TPCN2: variants seen among roughly 807,000 people sequenced by gnomAD.
The protein encoded by TPCN2 is two pore segment channel 2.
Under a neutral mutation model 111.4 loss-of-function variants are expected in TPCN2, and 92 were observed. That is an observed-to-expected ratio of 0.83 (90% confidence interval 0.70 to 0.98). The LOEUF is 0.98. Among genes scored for constraint, TPCN2 ranks in the 50% least tolerant of loss-of-function variants. The pLI is 0.00. For synonymous variants in TPCN2, 405 were observed against 414.5 expected (o/e 0.98, Z 0.28); for missense variants, 995 against 980.1 (o/e 1.02, Z -0.20).
intron 9 of TPCN2, 80 bp downstream of exon 9, chr11:69,070,575 A>T: frequency 9.4e-7 from 1 of 1,069,302 alleles, no homozygotes; most frequent in Non-Finnish European, 1.4e-6. Flanking sequence ...TGCCTCCACG[A>T]CCTGAAACTT....
chr11:69,071,286 C>T, intron 9 of TPCN2, 70 bp from the exon 10 acceptor site: 1 of 1,281,678 alleles, frequency 7.8e-7, no homozygotes, highest in East Asian at 2.3e-5. Flanking sequence ...CTATCCTGTG[C>T]CGGCCACCCT....
chr11:69,064,115 T>G, intron 7 of TPCN2, 148 bp downstream of exon 7: 1 of 760,426 alleles, frequency 1.3e-6, no homozygotes, highest in Non-Finnish European at 2.2e-6. Flanking sequence ...TCCAGGAGTC[T>G]GCCTTTGGGT....
At chr11:69,070,574 G>C in intron 9 of TPCN2, 79 bp downstream of exon 9, 1 of 1,072,736 alleles carries the variant, frequency 9.3e-7, no homozygotes, top group South Asian at 1.5e-5. Flanking sequence ...CTGCCTCCAC[G>C]ACCTGAAACT....
In TPCN2 at chr11:69,054,740, G is replaced by T. The variant is rs770457555; in HGVS notation, c.194G>T (p.Arg65Leu). The T allele has an allele frequency of 8.1e-6, 13 of 1,614,008 alleles. No individual in the cohort carries two copies. The highest frequency in any genetic ancestry group is 1.1e-5 in the Non-Finnish European group (13 of 1,180,002). Residue 65 changes from arginine to leucine, a missense_variant, in exon 3 of 25, where the codon CGG becomes CTG. Physicochemically the swap from Arg to Leu is moderately radical, Grantham distance 102. Transcript: ENST00000294309. ...TTGTAGTACCGCTCCATCAACCACC[G>T]GGTGGATGCCAGCTCGATGTGGCTT... ...DAIQYRSINHRVDASSMWLYR... is the reference protein window; with the variant it reads ...DAIQYRSINHLVDASSMWLYR...
In TPCN2 at chr11:69,071,405, C is replaced by T. The variant is rs1179839511; in HGVS notation, c.945C>T (p.Phe315=). 1.2e-6 allele frequency: 2 copies of T among 1,613,534 alleles called. No individual in the cohort carries two copies. The highest frequency in any genetic ancestry group is 2.2e-5 in the South Asian group (2 of 90,862). The change falls in exon 10 of 25, where the codon TTC becomes TTT. Residue 315 remains phenylalanine (F), a synonymous_variant. Coordinates refer to ENST00000294309, the MANE Select transcript of TPCN2 (RefSeq NM_139075.4). ...NLLTAIIYSQ[F]RGYLMKSLQT... ...TGACAGCCATCATCTACAGTCAGTT[C>T]CGGGGCTACCTGATGGTGAGCGAGC...
rs112913924 is a variant in TPCN2, at chr11:69,072,148, G to A, written c.1061+125G>A. 18 of 761,596 alleles carry A rather than the reference G, an allele frequency of 2.4e-5. 1 individual carries two copies. Among genetic ancestry groups the A allele is most frequent in the Admixed American group, 1.1e-4 (4 of 36,354 alleles). 47.2% of individuals were successfully genotyped at this position (761,596 alleles called of 1,614,324 possible). On this transcript the variant is annotated intron_variant, in intron 11 of 24. Coordinates refer to ENST00000294309, the MANE Select transcript of TPCN2 (RefSeq NM_139075.4). ...GCCTCGCCCCTGCTGGCTGGCACCCGACTCATGGAAACCACCATGTCCCTG... is the reference window on the plus strand; with the variant it reads ...GCCTCGCCCCTGCTGGCTGGCACCCAACTCATGGAAACCACCATGTCCCTG...
At chr11:69,085,070 C>G in intron 19 of TPCN2, 140 bp from the exon 20 acceptor site, 1 of 865,714 alleles carries the variant, frequency 1.2e-6, no homozygotes. Flanking sequence ...TTTGAAGTAG[C>G]AGCCAGGCTG....
Position 69,063,947 on chromosome 11 carries a change from C to T in TPCN2, c.706C>T (p.Leu236=). ...GTGCCTCTTCACCATGTTCGGAATG[C>T]TGCTGTTCGCTGGTGGGAAGGTAGG... ...HLCLFTMFGM[L]LFAGGKQDDG... is the part of the protein sequence containing the mutation. Residue 236 remains leucine (L), a synonymous_variant, in exon 7 of 25, where the codon CTG becomes TTG. Coordinates refer to ENST00000294309, the MANE Select transcript of TPCN2 (RefSeq NM_139075.4). 6.2e-7 allele frequency: 1 copy of T among 1,614,126 alleles called. No individual in the cohort carries two copies. Among genetic ancestry groups the T allele is most frequent in the Non-Finnish European group, 8.5e-7 (1 of 1,180,004 alleles).
In TPCN2 at chr11:69,072,722, G is replaced by T. The variant is rs1855589220; in HGVS notation, c.1143+14G>T. The T allele has an allele frequency of 1.2e-6, 2 of 1,613,402 alleles. No homozygotes were observed. Among genetic ancestry groups the T allele is most frequent in the East Asian group, 2.2e-5 (1 of 44,878 alleles). ...GCCATGATGGAGGTACCCGCCCCCT[G>T]CTCCCAGCCTCCTCTGGGCTCCTCC... On this transcript the variant is annotated intron_variant, in intron 12 of 24. Transcript: ENST00000294309.
At chr11:69,082,283 C>T (rs1314422535) in intron 18 of TPCN2, among the ~76,000 whole-genome samples, 3 of 152,260 alleles carry the variant, frequency 2.0e-5, no homozygotes, top group East Asian at 1.9e-4. Context: ...GCCAAGCACA[C>T]GTGATCTCAC....
chr11:69,078,021 C>A (rs1015148150), intron 13 of TPCN2, among the ~76,000 whole-genome samples: 3 of 152,172 alleles, frequency 2.0e-5, no homozygotes, highest in African/African-American at 4.8e-5. Context: ...CTGGGTCTCA[C>A]AAGGGTCCTG....
chr11:69,070,080 A>G (rs910475005), intron 8 of TPCN2, among the ~76,000 whole-genome samples: 1 of 147,580 alleles, frequency 6.8e-6, no homozygotes, highest in East Asian at 2.0e-4. Flanking sequence ...ACTGGAGTGC[A>G]GTGGTGCAGT....
intron 10 of TPCN2, 84 bp downstream of exon 10, chr11:69,071,504 C>A (rs1204805448): frequency 2.4e-6 from 3 of 1,245,024 alleles, no homozygotes; most frequent in East Asian, 2.4e-5. Flanking sequence ...AGCTGGGTGA[C>A]CCTTGCTGGC....
chr11:69,052,213 C>G (rs1861256850), intron 1 of TPCN2, among the ~76,000 whole-genome samples: 1 of 152,118 alleles, frequency 6.6e-6, no homozygotes, highest in African/African-American at 2.4e-5. Context: ...GGCCGCTTGT[C>G]TCTTGTCTAA....
intron 7 of TPCN2, among the ~76,000 whole-genome samples, chr11:69,065,216 G>A (rs113596320): frequency 2.9e-4 from 44 of 152,290 alleles, no homozygotes; most frequent in South Asian, 8.3e-4. Context: ...AGATGGAACC[G>A]GCTGACAGAA....
At chr11:69,083,246 GCA>G (rs1856122429) in intron 18 of TPCN2, 1 of 152,968 alleles carries the variant, frequency 6.5e-6, no homozygotes, top group African/African-American at 2.4e-5. Flanking sequence ...GCTTGAAGTC[GCA>G]GTTTCCCAGG....
chr11:69,071,711 CG>C (rs1565088532), intron 10 of TPCN2, among the ~76,000 whole-genome samples: 1 of 152,214 alleles, frequency 6.6e-6, no homozygotes. Context: ...GCAGCACGCC[CG>C]TCAGACTCCT....
intron 8 of TPCN2, among the ~76,000 whole-genome samples, chr11:69,069,894 T>C (rs892340332): frequency 1.3e-5 from 2 of 152,052 alleles, no homozygotes; most frequent in African/African-American, 4.8e-5. Context: ...ACATCCTTGA[T>C]AGGTAGGGAG....
chr11:69,086,018 C>G, intron 22 of TPCN2, 88 bp downstream of exon 22: 1 of 1,334,594 alleles, frequency 7.5e-7, no homozygotes, highest in Admixed American at 1.9e-5. Flanking sequence ...GCACTGGACG[C>G]CCGGAGCGTG....
Sources: gnomAD v4.1 joint callset for allele counts (sites outside exome capture counted in the v4.1 genomes callset) on GRCh38, gnomAD v4.1.1 for gene constraint, MANE v1.5 for transcripts, NCBI Gene and HGNC (gene_info 2026-07-23, HGNC 2026-07-21) for gene names.